BANK1: variants seen among roughly 807,000 people sequenced by gnomAD.
BANK1 encodes B cell scaffold protein with ankyrin repeats 1, also known as B-cell scaffold protein with ankyrin repeats.
BANK1 carries 95 observed loss-of-function variants against 94.5 expected under a neutral mutation model. The ratio of observed to expected loss-of-function variants is 1.00; its 90% confidence interval spans 0.85 to 1.19. The LOEUF (loss-of-function observed/expected upper bound fraction) is 1.19, where lower values mean the gene tolerates loss of function less well. Ranked by LOEUF, BANK1 falls within the 50% of genes most tolerant of loss-of-function variation. The probability of loss-of-function intolerance (pLI) is 0.00; values close to 1 mark genes in which losing one functional copy is unlikely to be tolerated. For synonymous variants in BANK1, 334 were observed against 308.4 expected (o/e 1.08, Z -0.87); for missense variants, 987 against 932.2 (o/e 1.06, Z -0.77).
chr4:101,987,749 G>A (rs1725565422), intron 7 of BANK1, among the ~76,000 whole-genome samples: 1 of 152,124 alleles, frequency 6.6e-6, no homozygotes, highest in South Asian at 2.1e-4. Flanking sequence ...TCTGATACAG[G>A]TTTGTGAGAG....
chr4:102,025,086 A>G, intron 8 of BANK1, 115 bp from the exon 9 acceptor site: 1 of 1,106,756 alleles, frequency 9.0e-7, no homozygotes, highest in Non-Finnish European at 1.3e-6. Flanking sequence ...TTTTCACTAT[A>G]TCAGGTCATA....
rs188746717 is a variant in BANK1, at chr4:102,045,099, C to T, written c.1969+1192C>T. On this transcript the variant is annotated intron_variant, in intron 11 of 16. Transcript: ENST00000322953. ...TGCTTTGGTGTTTTATACATGAAGT[C>T]CTTGCCCATGCCTATGTCCTGAATG... is the stretch of plus-strand genomic sequence containing the variant. Among the ~76,000 whole-genome samples the T allele has an allele frequency of 2.4e-3, 361 of 152,204 alleles. 2 individuals carry two copies. Among genetic ancestry groups the T allele is most frequent in the African/African-American group, 8.4e-3 (349 of 41,528 alleles).
intron 4 of BANK1, among the ~76,000 whole-genome samples, chr4:101,867,176 TA>T (rs754806525): frequency 0.13 from 4,393 of 33,368 alleles, 707 homozygotes; most frequent in Non-Finnish European, 0.14. Flanking sequence ...AAAAAAAATT[TA>T]AAAAAAAAAA....
At chr4:101,918,305 C>A in intron 7 of BANK1, 116 bp downstream of exon 7, 1 of 542,104 alleles carries the variant, frequency 1.8e-6, no homozygotes, top group Non-Finnish European at 3.0e-6. Flanking sequence ...AGTTAAGGCA[C>A]TATTAGGCAC....
At chr4:101,815,038 C>T (rs1280860769) in intron 1 of BANK1, among the ~76,000 whole-genome samples, 1 of 152,024 alleles carries the variant, frequency 6.6e-6, no homozygotes, top group East Asian at 1.9e-4. Context: ...AGAAATATGA[C>T]AAAGAATAAG....
intron 7 of BANK1, among the ~76,000 whole-genome samples, chr4:102,013,542 G>A (rs997929022): frequency 6.6e-5 from 10 of 151,998 alleles, no homozygotes; most frequent in Non-Finnish European, 1.5e-4. Context: ...TAGGAATGGT[G>A]GCCCCAGGAG....
intron 7 of BANK1, among the ~76,000 whole-genome samples, chr4:101,971,638 AT>A (rs1442976361): frequency 1.3e-5 from 2 of 152,092 alleles, no homozygotes; most frequent in African/African-American, 4.8e-5. Context: ...ACATTTAAGT[AT>A]TTATAATCCA....
intron 4 of BANK1, among the ~76,000 whole-genome samples, chr4:101,863,289 TAATC>T (rs1486148884): frequency 6.6e-6 from 1 of 152,024 alleles, no homozygotes; most frequent in African/African-American, 2.4e-5. Context: ...AATCTAATAT[TAATC>T]TAATACTAAT....
At chr4:101,942,321 C>T (rs1020698623) in intron 7 of BANK1, among the ~76,000 whole-genome samples, 2 of 151,848 alleles carry the variant, frequency 1.3e-5, no homozygotes, top group Non-Finnish European at 2.9e-5. Context: ...CCTTCTTCAT[C>T]GACACAGTGG....
At chr4:102,012,195 A>G (rs1041528840) in intron 7 of BANK1, among the ~76,000 whole-genome samples, 12 of 152,148 alleles carry the variant, frequency 7.9e-5, no homozygotes, top group Non-Finnish European at 1.3e-4. Flanking sequence ...TATAATATTG[A>G]ATACCCTTAT....
At chr4:101,848,142 CTG>C (rs1727328120) in intron 2 of BANK1, among the ~76,000 whole-genome samples, 1 of 152,152 alleles carries the variant, frequency 6.6e-6, no homozygotes, top group Admixed American at 6.5e-5. Context: ...TCCAGTGGGG[CTG>C]TGTGTTCGGG....
At chr4:101,913,129 T>C (rs1378385292) in intron 6 of BANK1, among the ~76,000 whole-genome samples, 1 of 152,202 alleles carries the variant, frequency 6.6e-6, no homozygotes, top group East Asian at 1.9e-4. Flanking sequence ...TGTTCAACTT[T>C]TCCTGGATCT....
chr4:101,890,924 G>C (rs1721844709), intron 5 of BANK1, among the ~76,000 whole-genome samples: 1 of 151,460 alleles, frequency 6.6e-6, no homozygotes, highest in African/African-American at 2.4e-5. Context: ...TACCTCCTTT[G>C]ACTTCTCTTT....
At chr4:101,796,938 A>G (rs1002534341) in intron 1 of BANK1, among the ~76,000 whole-genome samples, 4 of 152,172 alleles carry the variant, frequency 2.6e-5, no homozygotes, top group African/African-American at 9.6e-5. Context: ...ATTATCTTCA[A>G]CTCCTCTGGT....
At chr4:101,906,839 C>T (rs1722469107) in intron 6 of BANK1, among the ~76,000 whole-genome samples, 1 of 152,114 alleles carries the variant, frequency 6.6e-6, no homozygotes, top group Non-Finnish European at 1.5e-5. Context: ...TTCGAGCCCC[C>T]ACAATGGACG....
At chr4:101,997,097 A>G (rs1045517335) in intron 7 of BANK1, among the ~76,000 whole-genome samples, 10 of 152,196 alleles carry the variant, frequency 6.6e-5, no homozygotes, top group African/African-American at 2.4e-4. Flanking sequence ...ATTTTGAGAT[A>G]CATTCCATCA....
At chr4:101,967,403 G>T (rs1207925857) in intron 7 of BANK1, among the ~76,000 whole-genome samples, 1 of 151,974 alleles carries the variant, frequency 6.6e-6, no homozygotes, top group Non-Finnish European at 1.5e-5. Flanking sequence ...TCTAGAGAAA[G>T]AATTATAATG....
chr4:102,037,256 C>T (rs1162818164), intron 10 of BANK1, among the ~76,000 whole-genome samples: 2 of 152,218 alleles, frequency 1.3e-5, no homozygotes, highest in Non-Finnish European at 1.5e-5. Flanking sequence ...CTTACATGCA[C>T]TGGACAGCCC....
At chr4:102,001,558 C>G (rs920055744) in intron 7 of BANK1, among the ~76,000 whole-genome samples, 5 of 152,150 alleles carry the variant, frequency 3.3e-5, no homozygotes, top group African/African-American at 1.2e-4. Context: ...CGAGATTGTG[C>G]CACTGCACTC....
Sources: allele counts gnomAD v4.1 joint callset (sites outside exome capture counted in the v4.1 genomes callset), GRCh38; gene constraint gnomAD v4.1.1; transcripts MANE v1.5; gene names NCBI Gene and HGNC (gene_info 2026-07-23, HGNC 2026-07-21).